Variants in SEMA3D observed in about 807,000 individuals in gnomAD.
SEMA3D encodes the protein semaphorin-3D.
SEMA3D carries 84 observed loss-of-function variants against 100.1 expected under a neutral mutation model. The ratio of observed to expected loss-of-function variants is 0.84; its 90% CI spans 0.70 to 1.01. The LOEUF is 1.01. SEMA3D is among the 50% of genes least tolerant of loss of function. SEMA3D has a pLI of 0.00. For synonymous variants in SEMA3D, 312 were observed against 320.7 expected, an observed-to-expected ratio of 0.97 and a Z score of 0.29; for missense variants, 875 against 934.1, an observed-to-expected ratio of 0.94 and a Z score of 0.82.
At chr7:85,102,622 A>G (rs1173186363) in intron 3 of SEMA3D, among the ~76,000 whole-genome samples, 1 of 151,998 alleles carries the variant, frequency 6.6e-6, no homozygotes, top group African/African-American at 2.4e-5. Flanking sequence ...GGCAACAACT[A>G]TAGCTGAGTG....
chr7:85,220,794 C>T, the SEMA3D span, among the ~76,000 whole-genome samples: 1 of 152,094 alleles, frequency 6.6e-6, no homozygotes, highest in African/African-American at 2.4e-5. Context: ...AAGGAGCTCT[C>T]ATTGTTTCTT....
At chr7:85,223,043 T>C in the SEMA3D span, among the ~76,000 whole-genome samples, 1 of 151,904 alleles carries the variant, frequency 6.6e-6, no homozygotes, top group African/African-American at 2.4e-5. Context: ...CCAACAAACA[T>C]GAACAAATGC....
rs1279522282 is a variant in SEMA3D at position 85,187,032 on chromosome 7, G to A, written c.-527C>T. Among the ~76,000 whole-genome samples, 1 of 152,164 alleles carries A rather than the reference G, an allele frequency of 6.6e-6. No homozygotes were observed. The highest frequency in any genetic ancestry group is 1.9e-4 in the East Asian group (1 of 5,168). ...AGTTTGTGGTGTGACCGCAGCAGCT[G>A]TCCTGGGAGAGACTCAGTCTTTCTA... On this transcript the variant is annotated 5_prime_UTR_variant, in exon 1 of 19. Transcript: ENST00000284136.
At position 85,022,474 on chromosome 7, in the gene SEMA3D, T is replaced by A; in HGVS notation, c.1331A>T (p.Asn444Ile). 6.2e-7 allele frequency: 1 copy of A among 1,612,652 alleles called. No individual in the cohort carries two copies. The highest frequency in any genetic ancestry group is 8.5e-7 in the Non-Finnish European group (1 of 1,179,000). ...TATCTGTGTCAGTCTGTAATCCACA[T>A]TGATTCTCTTGAACGTTGGTCCTCC... is the stretch of plus-strand genomic sequence containing the variant. Reference protein sequence around the residue: ...VAGGPTFKRINVDYRLTQIVV... With the variant: ...VAGGPTFKRIIVDYRLTQIVV... The change falls in exon 13 of 19, where the codon AAT becomes ATT. Residue 444 changes from asparagine (N) to isoleucine (I), a missense_variant. Asn to Ile is a moderately radical substitution (Grantham distance 149, BLOSUM62 -3). Coordinates refer to ENST00000284136, the MANE Select transcript of SEMA3D (RefSeq NM_001384900.1).
At chr7:85,117,670 G>A (rs1789281613) in intron 3 of SEMA3D, among the ~76,000 whole-genome samples, 1 of 152,030 alleles carries the variant, frequency 6.6e-6, no homozygotes, top group Non-Finnish European at 1.5e-5. Context: ...CTACTCAGGA[G>A]GCTGAGATGG....
chr7:85,097,849 T>C lies in SEMA3D; in HGVS notation c.268A>G (p.Ile90Val), dbSNP rs764593676. The C allele has an allele frequency of 6.2e-7, 1 of 1,608,358 alleles. No homozygotes were observed. The highest frequency in any genetic ancestry group is 1.1e-5 in the South Asian group (1 of 90,662). The change falls in exon 4 of 19, where the codon ATC becomes GTC. Residue 90 changes from isoleucine to valine, a missense_variant. Physicochemically the swap from Ile to Val is conservative, Grantham distance 29. Transcript: ENST00000284136. ...AAGTCAACCAGACTGAGTAGAAAGA[T>C]GTGGTCTTTGGCTCCCAAGAGCAGC... The part of the protein sequence containing the change: ...GRLLLGAKDH[I>V]FLLSLVDLNK...
chr7:85,032,140 T>C (rs1177182003), intron 12 of SEMA3D, among the ~76,000 whole-genome samples: 1 of 151,936 alleles, frequency 6.6e-6, no homozygotes, highest in Non-Finnish European at 1.5e-5. Flanking sequence ...AAAATGAGGG[T>C]GAATTACGTG....
the SEMA3D span, among the ~76,000 whole-genome samples, chr7:85,210,979 GAA>G: frequency 6.6e-6 from 1 of 152,012 alleles, no homozygotes; most frequent in Admixed American, 6.6e-5. Context: ...ATGCTGGAGA[GAA>G]AATGGTAAAT....
At chr7:85,131,323 G>T (rs1476190199) in intron 2 of SEMA3D, among the ~76,000 whole-genome samples, 1 of 152,018 alleles carries the variant, frequency 6.6e-6, no homozygotes, top group Non-Finnish European at 1.5e-5. Flanking sequence ...AATTCCATTT[G>T]TATAGTTTAA....
upstream of SEMA3D, among the ~76,000 whole-genome samples, chr7:85,190,638 G>A (rs936647931): frequency 6.6e-6 from 1 of 151,814 alleles, no homozygotes; most frequent in Non-Finnish European, 1.5e-5. Flanking sequence ...GTGTTTAATG[G>A]TGGGGAAAAA....
At chr7:85,081,737 G>A (rs1434642497) in intron 4 of SEMA3D, among the ~76,000 whole-genome samples, 158 bp from the exon 5 acceptor site, 4 of 152,170 alleles carry the variant, frequency 2.6e-5, no homozygotes, top group Non-Finnish European at 5.9e-5. Context: ...ATTTCCCAAA[G>A]CCACCCTGAA....
chr7:85,059,014 C>T (rs1791403396), intron 8 of SEMA3D, among the ~76,000 whole-genome samples: 1 of 151,984 alleles, frequency 6.6e-6, no homozygotes, highest in Non-Finnish European at 1.5e-5. Flanking sequence ...GAATGCATAG[C>T]CATGATTTTT....
intron 9 of SEMA3D, among the ~76,000 whole-genome samples, chr7:85,053,158 T>C (rs977934235): frequency 1.6e-4 from 24 of 152,096 alleles, no homozygotes; most frequent in African/African-American, 5.3e-4. Context: ...TTTCCAAATA[T>C]GTTCTGTGGG....
chr7:85,009,640 G>A (rs1789897624), intron 17 of SEMA3D, among the ~76,000 whole-genome samples: 1 of 151,042 alleles, frequency 6.6e-6, no homozygotes, highest in African/African-American at 2.4e-5. Context: ...CACCTATAAA[G>A]TAAGAAATAA....
intron 16 of SEMA3D, 117 bp downstream of exon 16, chr7:85,014,942 C>A: frequency 1.5e-6 from 1 of 666,652 alleles, no homozygotes. Flanking sequence ...ATATTCCTTC[C>A]ATAGGACATG....
At chr7:85,039,121 C>T (rs1406350712) in intron 11 of SEMA3D, among the ~76,000 whole-genome samples, 2 of 152,110 alleles carry the variant, frequency 1.3e-5, no homozygotes, top group African/African-American at 4.8e-5. Context: ...AATGTGAAAA[C>T]TATTTCCAAC....
the SEMA3D span, among the ~76,000 whole-genome samples, chr7:85,196,186 T>C: frequency 6.6e-6 from 1 of 152,108 alleles, no homozygotes; most frequent in Non-Finnish European, 1.5e-5. Flanking sequence ...TGCATTAACG[T>C]TTTGAATGTA....
intron 4 of SEMA3D, among the ~76,000 whole-genome samples, chr7:85,091,528 G>C (rs920270887): frequency 1.3e-5 from 2 of 151,582 alleles, no homozygotes; most frequent in Non-Finnish European, 2.9e-5. Context: ...GAGAAAGAGG[G>C]AGGGGAAGAC....
rs1008716768 is a variant in SEMA3D, at chr7:84,999,623, G to A, written c.2151C>T (p.Ile717=). ...TGAAGTTTGGGCTGCTAAGGATTTG[G>A]ATGTAGTCTTTGTATCTCAACCGTG... ...AESRLRYKDY[I]QILSSPNFSL... The change falls in exon 19 of 19, where the codon ATC becomes ATT. Residue 717 remains isoleucine (I), a synonymous_variant. Coordinates refer to ENST00000284136, the MANE Select transcript of SEMA3D (RefSeq NM_001384900.1). 3 of 1,613,960 alleles carry A rather than the reference G, an allele frequency of 1.9e-6. No homozygotes were observed. Among genetic ancestry groups the A allele is most frequent in the Non-Finnish European group, 2.5e-6 (3 of 1,180,018 alleles).
Sources: gnomAD v4.1 joint callset for allele counts (sites outside exome capture counted in the v4.1 genomes callset) on GRCh38, gnomAD v4.1.1 for gene constraint, MANE v1.5 for transcripts, NCBI Gene and HGNC (gene_info 2026-07-23, HGNC 2026-07-21) for gene names.